ANK3: variants seen among roughly 807,000 people sequenced by gnomAD.
ANK3 encodes ankyrin 3, also known as ankyrin-3.
In ANK3, 57 loss-of-function variants were observed where a neutral mutation model predicts 370.9. The observed-to-expected ratio is 0.15, with a 90% CI of 0.12 to 0.19. ANK3 has a LOEUF of 0.19. ANK3 is among the 10% of genes least tolerant of loss of function. The pLI, the probability that ANK3 is intolerant of heterozygous loss-of-function variation, is 1.00. For missense variants in ANK3, 4,439 were observed against 5,302.1 expected (o/e 0.84, Z 5.06); for synonymous variants, 1,929 against 1,946.3 (o/e 0.99, Z 0.23).
chr10:60,334,361 A>G (rs1242369733), intron 1 of ANK3, among the ~76,000 whole-genome samples: 2 of 152,136 alleles, frequency 1.3e-5, no homozygotes, highest in Admixed American at 1.3e-4. Flanking sequence ...CCACCACACC[A>G]CAATCCTCCC....
chr10:60,097,239 G>A (rs560121611), intron 28 of ANK3, among the ~76,000 whole-genome samples: 28 of 152,316 alleles, frequency 1.8e-4, no homozygotes, highest in African/African-American at 6.5e-4. Flanking sequence ...GGAAAGGGGT[G>A]TTGGAAAGAG....
intron 25 of ANK3, among the ~76,000 whole-genome samples, chr10:60,123,359 A>T (rs976335729): frequency 6.6e-6 from 1 of 152,202 alleles, no homozygotes; most frequent in Non-Finnish European, 1.5e-5. Context: ...TTCCAAAAAT[A>T]GTTTCTCACT....
At chr10:60,681,484 C>T (rs962728834) in intron 1 of ANK3, among the ~76,000 whole-genome samples, 1 of 152,198 alleles carries the variant, frequency 6.6e-6, no homozygotes, top group African/African-American at 2.4e-5. Flanking sequence ...CTCTGGAACA[C>T]TCTTCTCCCT....
intron 28 of ANK3, among the ~76,000 whole-genome samples, chr10:60,092,733 T>G (rs1564952186): frequency 6.6e-6 from 1 of 152,176 alleles, no homozygotes; most frequent in East Asian, 1.9e-4. Context: ...CAAATAATTT[T>G]GTTTTGTTTT....
intron 1 of ANK3, among the ~76,000 whole-genome samples, chr10:60,642,637 T>TGGGG (rs200229050): frequency 2.6e-4 from 37 of 144,838 alleles, no homozygotes; most frequent in African/African-American, 8.3e-4. Context: ...TGTTGTGGGG[T>TGGGG]GGGGGGGCGA....
intron 1 of ANK3, among the ~76,000 whole-genome samples, chr10:60,631,779 A>G (rs777350994): frequency 1.3e-5 from 2 of 152,158 alleles, no homozygotes; most frequent in Non-Finnish European, 2.9e-5. Flanking sequence ...GAAAATATGG[A>G]ATAGCTTAGA....
At chr10:60,315,129 A>G (rs2047132874) in intron 1 of ANK3, among the ~76,000 whole-genome samples, 1 of 152,102 alleles carries the variant, frequency 6.6e-6, no homozygotes, top group East Asian at 1.9e-4. Context: ...ATAGGATGGT[A>G]GGGGTTAAGA....
chr10:60,183,342 T>A (rs2132351525), intron 17 of ANK3, among the ~76,000 whole-genome samples: 1 of 152,310 alleles, frequency 6.6e-6, no homozygotes, highest in South Asian at 2.1e-4. Context: ...GTGTCTAGCA[T>A]CTAGCATTTA....
intron 25 of ANK3, 112 bp from the exon 26 acceptor site, chr10:60,114,443 AC>A (rs1203795765): frequency 4.2e-6 from 2 of 471,346 alleles, no homozygotes; most frequent in African/African-American, 4.0e-5. Context: ...CTTACATTCA[AC>A]ATAAATAATT....
intron 25 of ANK3, among the ~76,000 whole-genome samples, chr10:60,129,239 G>A (rs1006995343): frequency 2.6e-5 from 4 of 152,250 alleles, no homozygotes; most frequent in African/African-American, 9.6e-5. Context: ...ATTGTCAGGG[G>A]AACCCTTAAA....
At position 60,444,357 on chromosome 10, in the gene ANK3, A is replaced by C. The variant is rs996571563; in HGVS notation, c.97-164718T>G. Among the ~76,000 whole-genome samples the C allele has an allele frequency of 7.3e-5, 11 of 151,370 alleles. No homozygotes were observed. The East Asian group carries it at 1.2e-3, about 16-fold the overall frequency. On this transcript the variant is annotated intron_variant, in intron 2 of 43. Transcript: ENST00000373827. ...CATGATATAATGCTCCTGAAAAAAA[A>C]CCATATATATAACATATAAGTGTAT...
intron 43 of ANK3, among the ~76,000 whole-genome samples, chr10:60,041,179 T>C (rs967966893): frequency 6.6e-6 from 1 of 152,198 alleles, no homozygotes; most frequent in Non-Finnish European, 1.5e-5. Flanking sequence ...CCCCTTCCAA[T>C]TCATTAACAA....
chr10:60,056,709 C>T (rs541609340), intron 41 of ANK3, among the ~76,000 whole-genome samples: 11 of 152,200 alleles, frequency 7.2e-5, no homozygotes, highest in East Asian at 1.9e-4. Context: ...GATTTCAGAA[C>T]GCTTCTCTAT....
intron 1 of ANK3, among the ~76,000 whole-genome samples, chr10:60,364,277 G>C (rs1348062512): frequency 7.1e-6 from 1 of 140,068 alleles, no homozygotes; most frequent in African/African-American, 2.7e-5. Flanking sequence ...CTGGGTGACA[G>C]AGCAAGACTC....
intron 42 of ANK3, chr10:60,051,664 CTTTT>C (rs35764181): frequency 1.6e-3 from 247 of 151,564 alleles, no homozygotes; most frequent in Non-Finnish European, 2.3e-3. Flanking sequence ...ATGTTTTCTT[CTTTT>C]TTTTTTTTTT....
At chr10:60,726,176 T>C (rs536264469) in intron 1 of ANK3, among the ~76,000 whole-genome samples, 1 of 152,214 alleles carries the variant, frequency 6.6e-6, no homozygotes, top group African/African-American at 2.4e-5. Context: ...CTTAGAACAA[T>C]CCCACAAGGT....
intron 23 of ANK3, among the ~76,000 whole-genome samples, chr10:60,157,039 C>CTT (rs201585529): frequency 0.026 from 3,763 of 142,290 alleles, 189 homozygotes; most frequent in African/African-American, 0.086. Context: ...CTCAATGAAT[C>CTT]TTTTTTTTTT....
rs2063364608 is a variant in ANK3, at chr10:60,402,165, A to T, written c.97-122526T>A. Among the ~76,000 whole-genome samples, 3 of 152,232 alleles carry T rather than the reference A, an allele frequency of 2.0e-5. No individual in the cohort carries two copies. The South Asian group carries it at 6.2e-4, about 31-fold the overall frequency. ...ATTCACGATAATATTTACCAGTGCC[A>T]CATTTTGAATTATTCAAGTATTATG... On this transcript the variant is annotated intron_variant, in intron 2 of 43. Coordinates refer to the ANK3 transcript ENST00000373827.
At chr10:60,233,204 C>A (rs1207887595) in intron 8 of ANK3, among the ~76,000 whole-genome samples, 1 of 152,152 alleles carries the variant, frequency 6.6e-6, no homozygotes, top group East Asian at 1.9e-4. Context: ...TTATCTTGAT[C>A]TTTGCAACAA....
Sources: allele counts gnomAD v4.1 joint callset (sites outside exome capture counted in the v4.1 genomes callset), GRCh38; gene constraint gnomAD v4.1.1; transcripts MANE v1.5; gene names NCBI Gene and HGNC (gene_info 2026-07-23, HGNC 2026-07-21).